Variants in SOX5 observed in about 807,000 individuals in gnomAD.
SOX5 encodes transcription factor SOX-5.
In SOX5, 9 loss-of-function variants were observed where a neutral mutation model predicts 92.0. The ratio of observed to expected loss-of-function variants is 0.10; its 90% confidence interval spans 0.06 to 0.17. The LOEUF (loss-of-function observed/expected upper bound fraction) is 0.17, where lower values mean the gene tolerates loss of function less well. Ranked by LOEUF, SOX5 falls within the 10% of genes least tolerant of loss-of-function variation. The pLI, the probability that SOX5 is intolerant of heterozygous loss-of-function variation, is 1.00. For missense variants in SOX5, 642 were observed against 944.5 expected, an observed-to-expected ratio of 0.68 and a Z score of 4.20; for synonymous variants, 344 against 336.3, an observed-to-expected ratio of 1.02 and a Z score of -0.25.
chr12:23,827,536 T>C (rs900335384), intron 3 of SOX5, among the ~76,000 whole-genome samples: 1 of 152,340 alleles, frequency 6.6e-6, no homozygotes, highest in South Asian at 2.1e-4. Flanking sequence ...GGCCTTTATT[T>C]TTCTTTCTAT....
chr12:24,425,379 C>T (rs573493027), intron 1 of SOX5, among the ~76,000 whole-genome samples: 8 of 152,172 alleles, frequency 5.3e-5, no homozygotes, highest in Non-Finnish European at 1.0e-4. Context: ...TTCTAAATGA[C>T]CTAAGAAACT....
At chr12:24,400,963 T>C (rs1244769749) in intron 1 of SOX5, among the ~76,000 whole-genome samples, 3 of 152,192 alleles carry the variant, frequency 2.0e-5, no homozygotes, top group African/African-American at 7.2e-5. Context: ...TTTTAACAGA[T>C]GACCACTTAC....
At chr12:24,068,694 G>GTA (rs1569531853) in intron 4 of SOX5, among the ~76,000 whole-genome samples, 1 of 56,460 alleles carries the variant, frequency 1.8e-5, no homozygotes, top group Non-Finnish European at 3.5e-5. Context: ...GTGTGTGTGT[G>GTA]TGTGTGTGTG....
intron 1 of SOX5, among the ~76,000 whole-genome samples, chr12:24,490,101 T>C (rs1273330866): frequency 6.6e-6 from 1 of 152,210 alleles, no homozygotes; most frequent in African/African-American, 2.4e-5. Flanking sequence ...AGCGCACTGC[T>C]TTGCCACATT....
chr12:24,461,282 A>G (rs1470851794), intron 1 of SOX5, among the ~76,000 whole-genome samples: 1 of 152,094 alleles, frequency 6.6e-6, no homozygotes, highest in Non-Finnish European at 1.5e-5. Flanking sequence ...AAAAGTGGCC[A>G]CTACGATTCT....
At position 23,563,339 on chromosome 12, in the gene SOX5, T is replaced by C. The variant is rs1946536257; in HGVS notation, c.1407A>G (p.Gln469=). 5.6e-6 allele frequency: 9 copies of C among 1,613,962 alleles called. No homozygotes were observed. Among genetic ancestry groups the C allele is most frequent in the Non-Finnish European group, 7.6e-6 (9 of 1,179,882 alleles). The change falls in exon 11 of 15, where the codon CAA becomes CAG. Residue 469 remains glutamine (Q), a synonymous_variant. Transcript: ENST00000451604. ...CAAGCACCTGTTGTTCCCGTCGGAG[T>C]TGCTCCTTCATTTGCCGAGCTTCTT... is the stretch of plus-strand genomic sequence containing the variant. ...AIQEARQMKE[Q]LRREQQVLDG... is the part of the protein sequence containing the mutation.
At chr12:23,601,938 TTTTA>T (rs2074554172) in intron 9 of SOX5, among the ~76,000 whole-genome samples, 1 of 152,154 alleles carries the variant, frequency 6.6e-6, no homozygotes, top group African/African-American at 2.4e-5. Context: ...AAGGGCATAT[TTTTA>T]TTAAATCGTT....
intron 2 of SOX5, among the ~76,000 whole-genome samples, chr12:24,312,423 G>T (rs1358136770): frequency 6.6e-6 from 1 of 152,072 alleles, no homozygotes; most frequent in Non-Finnish European, 1.5e-5. Context: ...TTTTGAATTA[G>T]CAACCTGCCA....
intron 4 of SOX5, among the ~76,000 whole-genome samples, chr12:24,008,420 G>A (rs1952556939): frequency 6.6e-6 from 1 of 152,066 alleles, no homozygotes; most frequent in Admixed American, 6.6e-5. Flanking sequence ...AGGTTTAACA[G>A]ATAGGGCCTA....
At chr12:24,439,560 T>C (rs1303730830) in intron 1 of SOX5, among the ~76,000 whole-genome samples, 3 of 152,166 alleles carry the variant, frequency 2.0e-5, no homozygotes, top group African/African-American at 7.2e-5. Flanking sequence ...GCCTAAAACA[T>C]CTATGCTATT....
chr12:23,746,600 G>C (rs895672914), intron 4 of SOX5, among the ~76,000 whole-genome samples: 1 of 152,088 alleles, frequency 6.6e-6, no homozygotes, highest in Non-Finnish European at 1.5e-5. Context: ...TATTGTTTCA[G>C]TCTTCTTCCT....
In SOX5 at chr12:23,976,406, CAAAAAA is replaced by C. The variant is rs869250917; in HGVS notation, c.-1-80388_-1-80383del. On this transcript the variant is annotated intron_variant, in intron 4 of 4. Transcript: ENST00000446891. Reference sequence around the variant, plus strand: ...GAACACTATTAAAAAAACAAAAAAACAAAAAAAAAAAAAAAAAAGAAGAGAAGGAAG... The same window carrying C: ...GAACACTATTAAAAAAACAAAAAAACAAAAAAAAAAAAGAAGAGAAGGAAG... Among the ~76,000 whole-genome samples the C allele has an allele frequency of 4.4e-3, 165 of 37,902 alleles. 1 individual carries two copies. The highest frequency in any genetic ancestry group is 0.013 in the African/African-American group (154 of 11,470). 24.9% of individuals were successfully genotyped at this position (37,902 alleles called of 152,430 possible).
intron 1 of SOX5, among the ~76,000 whole-genome samples, chr12:23,942,645 T>C (rs916503846): frequency 5.8e-5 from 7 of 120,964 alleles, no homozygotes; most frequent in African/African-American, 2.2e-4. Context: ...CAAAATCATA[T>C]AAGGCTCTGA....
intron 3 of SOX5, among the ~76,000 whole-genome samples, chr12:23,781,347 T>C (rs762506041): frequency 6.6e-6 from 1 of 151,928 alleles, no homozygotes. Flanking sequence ...CTATGTGTTA[T>C]GATACTGCTA....
At chr12:24,557,767 G>C (rs978949483) in intron 1 of SOX5, among the ~76,000 whole-genome samples, 1 of 152,124 alleles carries the variant, frequency 6.6e-6, no homozygotes, top group African/African-American at 2.4e-5. Flanking sequence ...GTTTTGGGGT[G>C]TTTTGTTTTT....
At chr12:23,852,705 A>C (rs534432910) in intron 2 of SOX5, among the ~76,000 whole-genome samples, 1 of 152,206 alleles carries the variant, frequency 6.6e-6, no homozygotes. Flanking sequence ...ATAAAGAATG[A>C]TAGCATAGTG....
In SOX5 at chr12:24,256,917, G is replaced by A. The variant is rs1242726483; in HGVS notation, c.-77+20299C>T. Among the ~76,000 whole-genome samples, 5 of 152,208 alleles carry A rather than the reference G, an allele frequency of 3.3e-5. No homozygotes were observed. In the East Asian group the frequency reaches 9.6e-4, roughly 29 times the overall value. On this transcript the variant is annotated intron_variant, in intron 3 of 4. Coordinates refer to the SOX5 transcript ENST00000446891. Reference sequence around the variant, plus strand: ...TCCTCTTTAGCATCCCTGTCTTTGAGTAATTAGACAGAACAGCCTCACTGA... The same window carrying A: ...TCCTCTTTAGCATCCCTGTCTTTGAATAATTAGACAGAACAGCCTCACTGA...
chr12:24,022,681 G>A (rs1954436685), intron 4 of SOX5, among the ~76,000 whole-genome samples: 1 of 151,996 alleles, frequency 6.6e-6, no homozygotes, highest in Non-Finnish European at 1.5e-5. Context: ...TTATATTACT[G>A]CTCCATACAC....
intron 1 of SOX5, among the ~76,000 whole-genome samples, chr12:23,936,547 C>A (rs1942599534): frequency 6.6e-6 from 1 of 150,534 alleles, no homozygotes; most frequent in South Asian, 2.1e-4. Flanking sequence ...AGTTAATAAA[C>A]CCCTAAGTCT....
Sources: gnomAD v4.1 joint callset for allele counts (sites outside exome capture counted in the v4.1 genomes callset) on GRCh38, gnomAD v4.1.1 for gene constraint, MANE v1.5 for transcripts, NCBI Gene and HGNC (gene_info 2026-07-23, HGNC 2026-07-21) for gene names.